The following ASXL1 variants were observed in gnomAD, a reference collection of about 807,000 sequenced individuals.
ASXL1 encodes the protein ASXL transcriptional regulator 1.
A neutral mutation model predicts 89.1 loss-of-function variants in ASXL1; 65 were observed. The ratio of observed to expected loss-of-function variants is 0.73; its 90% CI spans 0.60 to 0.90. The LOEUF is 0.90. Among genes scored for constraint, ASXL1 ranks in the 40% least tolerant of loss-of-function variants. ASXL1 has a pLI of 0.00. For synonymous variants in ASXL1, 739 were observed against 746.9 expected, an observed-to-expected ratio of 0.99 and a Z score of 0.17; for missense variants, 1,786 against 1,942.9, an observed-to-expected ratio of 0.92 and a Z score of 1.52.
At chr20:32,391,582 C>T (rs1366140767) in intron 4 of ASXL1, among the ~76,000 whole-genome samples, 1 of 152,152 alleles carries the variant, frequency 6.6e-6, no homozygotes, top group African/African-American at 2.4e-5. Context: ...CTCGATCTTC[C>T]AGGCTCAAGC....
chr20:32,422,228 C>CT (rs1395003547), intron 4 of ASXL1, among the ~76,000 whole-genome samples: 1 of 150,506 alleles, frequency 6.6e-6, no homozygotes, highest in Non-Finnish European at 1.5e-5. Flanking sequence ...CACAAGGAAA[C>CT]TTTTGGGGGT....
At chr20:32,422,472 C>A (rs1349333403) in intron 4 of ASXL1, among the ~76,000 whole-genome samples, 1 of 141,402 alleles carries the variant, frequency 7.1e-6, no homozygotes, top group Non-Finnish European at 1.5e-5. Context: ...AGTTCACATT[C>A]AAATATCCCA....
chr20:32,435,621 G>A lies in ASXL1; in HGVS notation c.2909G>A (p.Ser970Asn), dbSNP rs2011793708. 1 of 1,613,992 alleles carries A rather than the reference G, an allele frequency of 6.2e-7. No homozygotes were observed. Residue 970 changes from serine (S) to asparagine (N), a missense_variant, in exon 13 of 13, where the codon AGC becomes AAC. By Grantham distance (46) the Ser-to-Asn change is conservative. This residue lies in a region of ASXL1 where 1,418 missense variants were observed against 1,427.8 expected (regional missense o/e 0.99). Transcript: ENST00000375687. ...GTGCCATCTCGAGGAGGCAGTGACA[G>A]CAATGGCAGTTACTGTCAACAGGTG... The part of the protein sequence containing the change: ...WTVPSRGGSD[S>N]NGSYCQQVDI...
chr20:32,358,511 G>C lies in ASXL1; in HGVS notation c.-265G>C. Reference sequence around the variant, plus strand: ...ATGCGGAGCCGCCGCATTCCTTAGCGATCGCGGGGCAGCCGCCGCTGCCGC... The same window carrying C: ...ATGCGGAGCCGCCGCATTCCTTAGCCATCGCGGGGCAGCCGCCGCTGCCGC... On this transcript the variant is annotated 5_prime_UTR_variant, in exon 1 of 13. Transcript: ENST00000375687. 1 of 227,370 alleles carries C rather than the reference G, an allele frequency of 4.4e-6. No homozygotes were observed. The allele number at this position is 227,370 out of a possible 1,614,324, so 14.1% of individuals were successfully genotyped here.
At chr20:32,360,027 CTT>C (rs1036774017) in intron 1 of ASXL1, 33 of 521,792 alleles carry the variant, frequency 6.3e-5, no homozygotes, top group African/African-American at 4.6e-4. Flanking sequence ...AATTTTCTCT[CTT>C]ATTTTGAAGT....
chr20:32,380,778 T>C (rs899456890), intron 4 of ASXL1, among the ~76,000 whole-genome samples: 1 of 152,132 alleles, frequency 6.6e-6, no homozygotes, highest in African/African-American at 2.4e-5. Flanking sequence ...ACCCAAATGA[T>C]TTACTTACCA....
intron 4 of ASXL1, among the ~76,000 whole-genome samples, chr20:32,380,443 T>G (rs895400388): frequency 1.3e-5 from 2 of 152,180 alleles, no homozygotes; most frequent in Non-Finnish European, 2.9e-5. Context: ...CAATTCCACA[T>G]TTAATAGCAA....
intron 4 of ASXL1, among the ~76,000 whole-genome samples, chr20:32,369,541 C>T (rs912405994): frequency 3.3e-5 from 5 of 151,190 alleles, no homozygotes; most frequent in South Asian, 2.1e-4. Context: ...CATGAGCCAC[C>T]GCACCTGGCC....
At chr20:32,392,679 TTTAA>T (rs1343723031) in intron 4 of ASXL1, among the ~76,000 whole-genome samples, 2 of 151,940 alleles carry the variant, frequency 1.3e-5, no homozygotes, top group Non-Finnish European at 2.9e-5. Flanking sequence ...TATGCTATGT[TTTAA>T]TTTTCATTCA....
At chr20:32,372,244 G>A in intron 4 of ASXL1, 3 of 1,314,872 alleles carry the variant, frequency 2.3e-6, no homozygotes, top group Non-Finnish European at 3.0e-6. Flanking sequence ...CCTGCTGTAA[G>A]CTTGGGAGTG....
At position 32,426,541 on chromosome 20, in the gene ASXL1, C is replaced by T. The variant is rs375555968; in HGVS notation, c.253-1587C>T. 2.9e-3 allele frequency among the ~76,000 whole-genome samples: 265 copies of T among 92,424 alleles called. 1 individual carries two copies. Among genetic ancestry groups the T allele is most frequent in the East Asian group, 6.4e-3 (12 of 1,878 alleles). The allele number at this position is 92,424 out of a possible 152,430, so 60.6% of individuals were successfully genotyped here. A position where few individuals can be genotyped will look rare whatever the true frequency, so the allele number is the denominator to read the frequency against. On this transcript the variant is annotated intron_variant, in intron 4 of 12. Coordinates refer to ENST00000375687, the MANE Select transcript of ASXL1 (RefSeq NM_015338.6). ...AGGTAAAGATGTAGAAAACTGTTTT[C>T]TTTTTTTTCTTTCTTTTTTTTTTTT...
At chr20:32,363,105 C>G (rs2048148580) in intron 1 of ASXL1, among the ~76,000 whole-genome samples, 2 of 151,860 alleles carry the variant, frequency 1.3e-5, no homozygotes, top group Admixed American at 6.6e-5. Context: ...GTTCTTATAC[C>G]AAGAGCTGGA....
chr20:32,370,713 A>G (rs1046855392), intron 4 of ASXL1, among the ~76,000 whole-genome samples: 2 of 152,168 alleles, frequency 1.3e-5, no homozygotes, highest in Admixed American at 1.3e-4. Flanking sequence ...TGGTCTTTAT[A>G]TATAAATAAA....
chr20:32,431,765 G>A (rs1426889683), intron 10 of ASXL1, 86 bp downstream of exon 10: 6 of 1,388,460 alleles, frequency 4.3e-6, no homozygotes, highest in East Asian at 2.3e-5. Flanking sequence ...ACCCAAGCTC[G>A]CTCTTCTCAA....
chr20:32,432,630 T>C (rs2011553875), intron 10 of ASXL1: 1 of 447,206 alleles, frequency 2.2e-6, no homozygotes, highest in Non-Finnish European at 4.1e-6. Flanking sequence ...TAACTTTTTA[T>C]CTACACAGGA....
intron 4 of ASXL1, chr20:32,372,230 T>C (rs927124359): frequency 1.2e-4 from 167 of 1,336,020 alleles, no homozygotes; most frequent in Non-Finnish European, 1.1e-4. Context: ...CACCATTGTA[T>C]GAACCTGCTG....
At chr20:32,428,652 CTTTTTT>C (rs35966674) in intron 6 of ASXL1, 376 of 147,460 alleles carry the variant, frequency 2.5e-3, no homozygotes, top group Middle Eastern at 9.0e-3. Context: ...TTTGTTCATT[CTTTTTT>C]TTTTTTTTTT....
At chr20:32,426,554 CTTTTTTT>C (rs1177815042) in intron 4 of ASXL1, among the ~76,000 whole-genome samples, 1,193 of 83,936 alleles carry the variant, frequency 0.014, 20 homozygotes, top group African/African-American at 0.051. Flanking sequence ...TTTTTTCTTT[CTTTTTTT>C]TTTTTTTTTT....
At chr20:32,412,332 A>T (rs943123754) in intron 4 of ASXL1, among the ~76,000 whole-genome samples, 3 of 152,168 alleles carry the variant, frequency 2.0e-5, no homozygotes, top group Non-Finnish European at 4.4e-5. Context: ...TATAATTGTT[A>T]ACCCATTCCA....
Sources: gnomAD v4.1 joint callset for allele counts (sites outside exome capture counted in the v4.1 genomes callset) on GRCh38, gnomAD v4.1.1 for gene constraint, gnomAD v4.1.1 regional missense constraint, MANE v1.5 for transcripts, NCBI Gene and HGNC (gene_info 2026-07-23, HGNC 2026-07-21) for gene names.